The following MMP12 variants were observed in gnomAD, a reference collection of about 807,000 sequenced individuals.
The protein encoded by MMP12 is macrophage metalloelastase.
A neutral mutation model predicts 45.2 loss-of-function variants in MMP12; 51 were observed. That is an observed-to-expected ratio of 1.13 (90% CI 0.90 to 1.42). The LOEUF (loss-of-function observed/expected upper bound fraction) is 1.42, where lower values mean the gene tolerates loss of function less well. MMP12 is among the 40% of genes most tolerant of loss of function. The pLI is 0.00. For missense variants in MMP12, 530 were observed against 570.8 expected (o/e 0.93, Z 0.73); for synonymous variants, 210 against 193.3 (o/e 1.09, Z -0.72).
At position 102,862,924 on chromosome 11, in the gene MMP12, T is replaced by C. The variant is rs1463968476; in HGVS notation, c.*176A>G. The C allele has an allele frequency of 2.3e-6, 1 of 428,874 alleles. No individual in the cohort carries two copies. The highest frequency in any genetic ancestry group is 4.1e-6 in the Non-Finnish European group (1 of 245,880). 26.6% of individuals were successfully genotyped at this position (428,874 alleles called of 1,614,324 possible). ...GTAGAGTCAAGCAAGAATGGACAAT[T>C]AGAGTTTTCAAAATTGAAAAATATT... is the stretch of plus-strand genomic sequence containing the variant. On this transcript the variant is annotated 3_prime_UTR_variant, in exon 10 of 10. Transcript: ENST00000571244.
chr11:102,864,052 C>A, intron 9 of MMP12, 94 bp downstream of exon 9: 1 of 962,868 alleles, frequency 1.0e-6, no homozygotes, highest in Admixed American at 2.1e-5. Context: ...GAAACCTGTC[C>A]CTTTCCAATT....
chr11:102,866,238 TA>T, intron 7 of MMP12, 76 bp downstream of exon 7: 1 of 1,377,874 alleles, frequency 7.3e-7, no homozygotes, highest in Non-Finnish European at 9.8e-7. Flanking sequence ...CTATATCTAT[TA>T]AAAAGTAGTA....
At chr11:102,874,537 T>C (rs1482711053) in intron 1 of MMP12, among the ~76,000 whole-genome samples, 1 of 152,220 alleles carries the variant, frequency 6.6e-6, no homozygotes, top group Non-Finnish European at 1.5e-5. Context: ...TAGTGTAAAA[T>C]ACCATAACAG....
At chr11:102,864,320 A>G (rs1221241061) in intron 8 of MMP12, 68 bp from the exon 9 acceptor site, 3 of 992,576 alleles carry the variant, frequency 3.0e-6, no homozygotes, top group East Asian at 4.9e-5. Flanking sequence ...CCACAAACCC[A>G]CCTTCTCTAC....
intron 6 of MMP12, among the ~76,000 whole-genome samples, chr11:102,866,993 A>G (rs2134419103): frequency 6.6e-6 from 1 of 152,298 alleles, no homozygotes; most frequent in East Asian, 1.9e-4. Flanking sequence ...TATGATTAAA[A>G]TAGTCTGGCT....
At chr11:102,869,494 G>A (rs781266536) in intron 4 of MMP12, among the ~76,000 whole-genome samples, 16 of 152,070 alleles carry the variant, frequency 1.1e-4, no homozygotes, top group African/African-American at 3.1e-4. Context: ...ACTAGATTGC[G>A]TGCTCAGGGG....
chr11:102,865,721 A>T lies in MMP12; in HGVS notation c.1205+55T>A. On this transcript the variant is annotated intron_variant, in intron 8 of 9. Transcript: ENST00000571244. This position sits in a 1 kb window ranked among gnomAD's most constrained non-coding sequence, Gnocchi z 4.1. ...GAAAATGTGCCTTCTAGAAAGCCTC[A>T]TTCCATATCTGTTTCACAATCTGAG... The T allele has an allele frequency of 6.8e-7, 1 of 1,477,474 alleles. No homozygotes were observed. The highest frequency in any genetic ancestry group is 9.2e-7 in the Non-Finnish European group (1 of 1,092,820). The allele number at this position is 1,477,474 out of a possible 1,614,324, so 91.5% of individuals were successfully genotyped here.
Position 102,872,857 on chromosome 11 carries a change from A to T in MMP12, c.350+8T>A. On this transcript the variant is annotated splice_region_variant and intron_variant, in intron 2 of 9. Transcript: ENST00000571244. ...AGAAAAATACAGGGCGACATACACC[A>T]ACGTTACCTGTAGGTGATATAATGT... 1 of 1,613,416 alleles carries T rather than the reference A, an allele frequency of 6.2e-7. No individual in the cohort carries two copies. The highest frequency in any genetic ancestry group is 8.5e-7 in the Non-Finnish European group (1 of 1,179,696).
chr11:102,864,267 AACC>A lies in MMP12; in HGVS notation c.1206-18_1206-16del. ...TTTCATCATACCTGAGCAAAGAAGTAACCAGCAGGAACTCAATCAGAAAGTGGC... is the reference window on the plus strand; with the variant it reads ...TTTCATCATACCTGAGCAAAGAAGTAAGCAGGAACTCAATCAGAAAGTGGC... On this transcript the variant is annotated splice_polypyrimidine_tract_variant and intron_variant, in intron 8 of 9. Coordinates refer to ENST00000571244, the MANE Select transcript of MMP12 (RefSeq NM_002426.6). 1 of 1,558,212 alleles carries A rather than the reference AACC, an allele frequency of 6.4e-7. No individual in the cohort carries two copies. The highest frequency in any genetic ancestry group is 1.4e-5 in the African/African-American group (1 of 73,846).
intron 8 of MMP12, among the ~76,000 whole-genome samples, 165 bp from the exon 9 acceptor site, chr11:102,864,417 A>G (rs28381693): frequency 3.5e-3 from 527 of 152,294 alleles, no homozygotes; most frequent in African/African-American, 0.012. Context: ...CTGAGTCCCT[A>G]TAGGACTCAA....
At chr11:102,863,230 A>G (rs1555008072) in intron 9 of MMP12, 30 bp from the exon 10 acceptor site, 2 of 1,204,932 alleles carry the variant, frequency 1.7e-6, no homozygotes, top group African/African-American at 3.0e-5. Context: ...AAATAGTTTA[A>G]TTCCCTCCCT....
chr11:102,868,056 G>T lies in MMP12; in HGVS notation c.639C>A (p.Phe213Leu). 1 of 1,595,944 alleles carries T rather than the reference G, an allele frequency of 6.3e-7. No homozygotes were observed. Among genetic ancestry groups the T allele is most frequent in the East Asian group, 2.3e-5 (1 of 44,226 alleles). ...GGCCAATCTCGTGAACAGCAGTGAGGAACAAGTTTGTGCCTAAGAAGAAAC... is the reference window on the plus strand; with the variant it reads ...GGCCAATCTCGTGAACAGCAGTGAGTAACAAGTTTGTGCCTAAGAAGAAAC... ...WTTHSGGTNL[F>L]LTAVHEIGHS... Residue 213 changes from phenylalanine (F) to leucine (L), a missense_variant, in exon 5 of 10, where the codon TTC becomes TTA. Transcript: ENST00000571244.
In MMP12 at chr11:102,874,883, G is replaced by A. The variant is rs186922368; in HGVS notation, c.55C>T (p.Leu19=). 1.4e-5 allele frequency: 22 copies of A among 1,607,484 alleles called. No individual in the cohort carries two copies. The East Asian group carries it at 4.9e-4, about 36-fold the overall frequency. Residue 19 remains leucine, a synonymous_variant, in exon 1 of 10, where the codon CTG becomes TTG. Transcript: ENST00000571244. ...TTTTCCAGGCTTGTAGAGCTGTTCA[G>A]GGGAAGAGCTCCAGAAGCAGTGGCC... ...LQATASGALP[L]NSSTSLEKNN...
At chr11:102,872,555 A>G (rs1859519550) in intron 2 of MMP12, among the ~76,000 whole-genome samples, 1 of 152,018 alleles carries the variant, frequency 6.6e-6, no homozygotes, top group Non-Finnish European at 1.5e-5. Flanking sequence ...GTTGGCCAGG[A>G]TGGTCTCCAT....
intron 6 of MMP12, among the ~76,000 whole-genome samples, chr11:102,866,836 C>T: frequency 6.6e-6 from 1 of 152,126 alleles, no homozygotes; most frequent in African/African-American, 2.4e-5. Context: ...CCAACTGCCC[C>T]TCCTTACCAC....
At chr11:102,874,776 T>C in intron 1 of MMP12, 60 bp downstream of exon 1, 1 of 1,116,172 alleles carries the variant, frequency 9.0e-7, no homozygotes, top group Non-Finnish European at 1.3e-6. Flanking sequence ...AACTGGTTAA[T>C]GCAATTAAAT....
chr11:102,873,235 C>A, intron 1 of MMP12, 123 bp from the exon 2 acceptor site: 1 of 820,908 alleles, frequency 1.2e-6, no homozygotes, highest in Non-Finnish European at 1.9e-6. Flanking sequence ...ACATCTTACT[C>A]ACAGGTTAGA....
intron 5 of MMP12, among the ~76,000 whole-genome samples, 170 bp from the exon 6 acceptor site, chr11:102,867,563 G>A (rs1485098591): frequency 1.3e-5 from 2 of 151,932 alleles, no homozygotes; most frequent in Non-Finnish European, 2.9e-5. Context: ...TTTCCACATG[G>A]TTGCAATATC....
chr11:102,871,528 G>A (rs1217152294), intron 4 of MMP12, 66 bp downstream of exon 4: 2 of 1,525,546 alleles, frequency 1.3e-6, no homozygotes, highest in Non-Finnish European at 1.8e-6. Context: ...AATTTGTTAG[G>A]GTTTTTGTTG....
Sources: gnomAD v4.1 joint callset for allele counts (sites outside exome capture counted in the v4.1 genomes callset) on GRCh38, gnomAD v4.1.1 for gene constraint, Gnocchi (gnomAD v3.1) non-coding constraint, MANE v1.5 for transcripts, NCBI Gene and HGNC (gene_info 2026-07-23, HGNC 2026-07-21) for gene names.